The following CASK variants were observed in gnomAD, a reference collection of about 807,000 sequenced individuals.
The protein encoded by CASK is peripheral plasma membrane protein CASK.
CASK carries 4 observed loss-of-function variants against 82.9 expected under a neutral mutation model. The observed-to-expected ratio is 0.05, with a 90% CI of 0.02 to 0.11. CASK has a LOEUF of 0.11. Among genes scored for constraint, CASK ranks in the 10% least tolerant of loss-of-function variants. The pLI, the probability that CASK is intolerant of heterozygous loss-of-function variation, is 1.00. For missense variants in CASK, 358 were observed against 720.9 expected (o/e 0.50, Z 5.76); for synonymous variants, 259 against 253.5 (o/e 1.02, Z -0.20).
At chrX:41,873,283 CAAAAAAAAAAAAAAA>C in intron 1 of CASK, among the ~76,000 whole-genome samples, 1 of 31,294 alleles carries the variant, frequency 3.2e-5, no homozygotes, top group South Asian at 3.6e-3. Flanking sequence ...TTCTTCCTCA[CAAAAAAAAAAAAAAA>C]AAAAAAAAAG....
intron 5 of CASK, among the ~76,000 whole-genome samples, chrX:41,732,307 G>GACAA (rs72087816): frequency 0.021 from 2,295 of 110,961 alleles, 63 homozygotes; most frequent in African/African-American, 0.071. Flanking sequence ...ATTAAGACTA[G>GACAA]ACAAAATTTA....
chrX:41,545,731 T>C (rs1454753971), intron 21 of CASK, among the ~76,000 whole-genome samples: 9 of 111,664 alleles, frequency 8.1e-5, no homozygotes, highest in Non-Finnish European at 1.1e-4. Flanking sequence ...CTAGGAAGAA[T>C]AGACATCCCT....
At chrX:41,840,751 A>C (rs2071019415) in intron 2 of CASK, among the ~76,000 whole-genome samples, 1 of 111,772 alleles carries the variant, frequency 8.9e-6, no homozygotes, top group African/African-American at 3.3e-5. Flanking sequence ...TGAGGGTGTT[A>C]GATTTTGTCA....
At chrX:41,893,418 A>G (rs769411376) in intron 1 of CASK, among the ~76,000 whole-genome samples, 1 of 112,402 alleles carries the variant, frequency 8.9e-6, no homozygotes, top group African/African-American at 3.2e-5. Context: ...CCAACATGTA[A>G]AAGGTAGATG....
intron 9 of CASK, among the ~76,000 whole-genome samples, chrX:41,629,271 G>A (rs1348769320): frequency 1.8e-5 from 2 of 111,615 alleles, no homozygotes; most frequent in Admixed American, 1.9e-4. Context: ...AAGCCATGGT[G>A]CCCCACCTAA....
At chrX:41,636,939 C>T (rs1280963073) in intron 8 of CASK, among the ~76,000 whole-genome samples, 2 of 110,393 alleles carry the variant, frequency 1.8e-5, no homozygotes, top group Non-Finnish European at 3.8e-5. Context: ...AATAACAAAT[C>T]GTAATTATTA....
intron 25 of CASK, 152 bp from the exon 26 acceptor site, chrX:41,524,186 T>C (rs1276106703): frequency 1.1e-5 from 5 of 462,190 alleles, no homozygotes; most frequent in Non-Finnish European, 1.9e-5. Context: ...ACCAACTTTA[T>C]ACATAACTTA....
chrX:41,909,071 C>G (rs1197484926), intron 1 of CASK, among the ~76,000 whole-genome samples: 2 of 112,001 alleles, frequency 1.8e-5, no homozygotes, highest in African/African-American at 6.5e-5. Context: ...CTTTAGCGTG[C>G]CTCAGAATTC....
At chrX:41,613,629 T>TAAAAAAAAAAAAAAA (rs767946526) in intron 11 of CASK, among the ~76,000 whole-genome samples, 1 of 49,892 alleles carries the variant, frequency 2.0e-5, no homozygotes, top group Non-Finnish European at 4.0e-5. Context: ...AATGATCAAT[T>TAAAAAAAAAAAAAAA]AAAAAAAAAA....
rs189174640 is a variant in CASK, at chrX:41,744,719, T to C, written c.356+805A>G. Reference sequence around the variant, plus strand: ...ACTTAGAACAACAGCTGCCATTTGATTGGTAGGTCTCACACTGGCCTGAAG... The same window carrying C: ...ACTTAGAACAACAGCTGCCATTTGACTGGTAGGTCTCACACTGGCCTGAAG... On this transcript the variant is annotated intron_variant, in intron 4 of 26. Coordinates refer to ENST00000378163, the MANE Select transcript of CASK (RefSeq NM_001367721.1). 3.7e-3 allele frequency among the ~76,000 whole-genome samples: 410 copies of C among 112,032 alleles called. 3 individuals carry two copies. The highest frequency in any genetic ancestry group is 0.012 in the African/African-American group (358 of 30,846).
intron 1 of CASK, among the ~76,000 whole-genome samples, chrX:41,862,936 G>A (rs2071521338): frequency 9.0e-6 from 1 of 111,506 alleles, no homozygotes; most frequent in Non-Finnish European, 1.9e-5. Context: ...AGAAAGAAAC[G>A]AAGCACATGG....
At chrX:41,582,318 T>C (rs2065591628) in intron 14 of CASK, among the ~76,000 whole-genome samples, 3 of 111,983 alleles carry the variant, frequency 2.7e-5, no homozygotes, top group Non-Finnish European at 5.6e-5. Context: ...TTTATTTATA[T>C]TTTTTATTTT....
intron 2 of CASK, among the ~76,000 whole-genome samples, chrX:41,797,788 G>C (rs997550525): frequency 1.8e-5 from 2 of 111,554 alleles, no homozygotes; most frequent in Admixed American, 1.9e-4. Context: ...CAATCTTTCT[G>C]TTACCCCATA....
rs2147138697 is a variant in CASK, at chrX:41,553,911, T to C, written c.1847A>G (p.Tyr616Cys). The C allele has an allele frequency of 1.7e-6, 2 of 1,191,492 alleles. No homozygotes were observed. Among genetic ancestry groups the C allele is most frequent in the Non-Finnish European group, 2.3e-6 (2 of 877,524 alleles). The stretch of plus-strand genomic sequence containing the variant: ...ATCATATTCAAATTGTGCTCTTACA[T>C]AGATCTATAAAACAGGAGTTCGTAA... ...STTQPKGRQI[Y>C]VRAQFEYDPA... Residue 616 changes from tyrosine to cysteine, a missense_variant, in exon 21 of 27, where the codon TAT (tyrosine) becomes TGT (cysteine). Coordinates refer to ENST00000378163, the MANE Select transcript of CASK (RefSeq NM_001367721.1).
chrX:41,900,599 CTTT>C (rs559584956), intron 1 of CASK, among the ~76,000 whole-genome samples: 1 of 74,486 alleles, frequency 1.3e-5, no homozygotes, highest in South Asian at 6.9e-4. Context: ...CTGTTTGGTT[CTTT>C]TTTTTTTTTT....
intron 18 of CASK, among the ~76,000 whole-genome samples, chrX:41,558,036 T>G (rs976835866): frequency 9.0e-6 from 1 of 111,311 alleles, no homozygotes; most frequent in Non-Finnish European, 1.9e-5. Context: ...AGCATTCTCA[T>G]ATGTTAGTGA....
chrX:41,694,558 T>C (rs985466284), intron 5 of CASK, among the ~76,000 whole-genome samples: 1 of 112,456 alleles, frequency 8.9e-6, no homozygotes, highest in Non-Finnish European at 1.9e-5. Flanking sequence ...TCTCAAATTA[T>C]TGAACCCAGG....
At chrX:41,830,552 G>T (rs1228957554) in intron 2 of CASK, among the ~76,000 whole-genome samples, 1 of 111,164 alleles carries the variant, frequency 9.0e-6, no homozygotes, top group Admixed American at 9.5e-5. Context: ...CGGGTGCGGT[G>T]GCTCACGCCT....
chrX:41,715,272 C>T lies in CASK; in HGVS notation c.429+24112G>A, dbSNP rs771128968. ...AGGGATGCCCATATGGAGAATGGCC[C>T]TATGGAAATTTGAGGAGTGCATTAA... On this transcript the variant is annotated intron_variant, in intron 5 of 26. Transcript: ENST00000378163. Among the ~76,000 whole-genome samples, 73 of 111,814 alleles carry T rather than the reference C, an allele frequency of 6.5e-4. No individual in the cohort carries two copies. The Middle Eastern group carries it at 0.014, about 21-fold the overall frequency.
Sources: gnomAD v4.1 joint callset for allele counts (sites outside exome capture counted in the v4.1 genomes callset) on GRCh38, gnomAD v4.1.1 for gene constraint, MANE v1.5 for transcripts, NCBI Gene and HGNC (gene_info 2026-07-23, HGNC 2026-07-21) for gene names.